ANK2: variants seen among roughly 807,000 people sequenced by gnomAD.
ANK2 encodes the protein ankyrin 2.
In ANK2, 83 loss-of-function variants were observed where a neutral mutation model predicts 360.5. That is an observed-to-expected ratio of 0.23 (90% CI 0.19 to 0.28). ANK2 has a LOEUF of 0.28. Among genes scored for constraint, ANK2 ranks in the 10% least tolerant of loss-of-function variants. ANK2 has a pLI of 1.00. For synonymous variants in ANK2, 1,740 were observed against 1,759.5 expected, an observed-to-expected ratio of 0.99 and a Z score of 0.28; for missense variants, 4,201 against 4,795.7, an observed-to-expected ratio of 0.88 and a Z score of 3.66.
At chr4:113,004,473 T>C (rs1298826697) in intron 2 of ANK2, among the ~76,000 whole-genome samples, 2 of 152,154 alleles carry the variant, frequency 1.3e-5, no homozygotes. Context: ...CATAGCTGCC[T>C]TCCACCTCCA....
At chr4:112,969,555 AG>A (rs1472607427) in intron 2 of ANK2, among the ~76,000 whole-genome samples, 1 of 152,222 alleles carries the variant, frequency 6.6e-6, no homozygotes, top group Non-Finnish European at 1.5e-5. Flanking sequence ...AAGAGTGAAA[AG>A]GGGGAAGAGG....
At position 113,369,862 on chromosome 4, in the gene ANK2, G is replaced by A. The variant is rs2096665973; in HGVS notation, c.11610+57G>A. ...CTGTAACAAAGCTACAAATCTTCCA[G>A]TTTCCATTTCTATGATGGTTTATTT... On this transcript the variant is annotated intron_variant, in intron 43 of 45. Coordinates refer to ENST00000357077, the MANE Select transcript of ANK2 (RefSeq NM_001148.6). 3 of 1,609,636 alleles carry A rather than the reference G, an allele frequency of 1.9e-6. No individual in the cohort carries two copies. The Admixed American group carries it at 5.0e-5, about 27-fold the overall frequency.
At chr4:113,345,253 C>T (rs1295068467) in intron 34 of ANK2, among the ~76,000 whole-genome samples, 1 of 152,048 alleles carries the variant, frequency 6.6e-6, no homozygotes, top group Admixed American at 6.6e-5. Context: ...CGTATAGAGA[C>T]AGAAAGTAGA....
intron 5 of ANK2, 37 bp from the exon 6 acceptor site, chr4:113,236,950 G>A (rs769287287): frequency 1.9e-6 from 3 of 1,599,336 alleles, no homozygotes; most frequent in South Asian, 1.1e-5. Context: ...AGCATCTGAA[G>A]ATGTTAACAG....
chr4:113,177,133 GC>G (rs2098241478), intron 2 of ANK2, among the ~76,000 whole-genome samples: 1 of 152,158 alleles, frequency 6.6e-6, no homozygotes, highest in Admixed American at 6.5e-5. Flanking sequence ...AGGCTGGAGT[GC>G]GGTGGCGTGA....
At chr4:113,211,567 C>T (rs971219891) in intron 4 of ANK2, among the ~76,000 whole-genome samples, 12 of 152,136 alleles carry the variant, frequency 7.9e-5, no homozygotes, top group East Asian at 1.9e-4. Context: ...ACAACTTTTC[C>T]GTAAACAAAT....
intron 1 of ANK2, among the ~76,000 whole-genome samples, chr4:113,117,985 A>T (rs1011161218): frequency 6.6e-6 from 1 of 152,196 alleles, no homozygotes; most frequent in African/African-American, 2.4e-5. Flanking sequence ...CTGCATTTTT[A>T]AAATTTTAAT....
chr4:113,156,713 G>C (rs979192846), intron 1 of ANK2, among the ~76,000 whole-genome samples: 1 of 151,706 alleles, frequency 6.6e-6, no homozygotes. Context: ...GCAGTGTTAA[G>C]TTTGACTAAT....
At chr4:113,186,218 C>A (rs1465745566) in intron 2 of ANK2, among the ~76,000 whole-genome samples, 4 of 152,222 alleles carry the variant, frequency 2.6e-5, no homozygotes, top group Admixed American at 2.6e-4. Flanking sequence ...AGGCAGGAAT[C>A]TTTGCTGTTC....
chr4:112,848,039 T>C (rs1167746281), intron 1 of ANK2, among the ~76,000 whole-genome samples: 1 of 152,210 alleles, frequency 6.6e-6, no homozygotes, highest in East Asian at 1.9e-4. Flanking sequence ...TGAAAGAGCA[T>C]GCGATTTGGA....
At chr4:113,069,076 G>T (rs551715997) in intron 1 of ANK2, among the ~76,000 whole-genome samples, 1 of 150,766 alleles carries the variant, frequency 6.6e-6, no homozygotes, top group Non-Finnish European at 1.5e-5. Context: ...AAGAAAAGAA[G>T]AGAAAAGAAA....
intron 4 of ANK2, among the ~76,000 whole-genome samples, chr4:113,201,339 C>G (rs2098827571): frequency 6.6e-6 from 1 of 152,078 alleles, no homozygotes; most frequent in South Asian, 2.1e-4. Flanking sequence ...TGATTCAGTT[C>G]TGGAGTGGAG....
At chr4:113,285,785 A>G (rs949397463) in intron 18 of ANK2, among the ~76,000 whole-genome samples, 5 of 152,204 alleles carry the variant, frequency 3.3e-5, no homozygotes, top group Admixed American at 1.3e-4. Context: ...GGGAGGGAAG[A>G]TTAGAGCCTA....
intron 25 of ANK2, 98 bp downstream of exon 25, chr4:113,317,907 A>C (rs2083789229): frequency 2.1e-6 from 2 of 948,346 alleles, no homozygotes; most frequent in Non-Finnish European, 3.3e-6. Flanking sequence ...ATCCCCCCAA[A>C]ATCATTCCCA....
At chr4:113,317,404 G>C in intron 24 of ANK2, 1 of 409,280 alleles carries the variant, frequency 2.4e-6, no homozygotes, top group South Asian at 2.2e-5. Flanking sequence ...GGTACTGGCA[G>C]TAATAAACTA....
intron 1 of ANK2, among the ~76,000 whole-genome samples, chr4:113,167,515 T>A (rs2097788939): frequency 6.6e-6 from 1 of 151,982 alleles, no homozygotes; most frequent in Non-Finnish European, 1.5e-5. Context: ...GTCAGGCTGG[T>A]CTCAAACTCC....
chr4:112,733,650 CTTCAA>C, the ANK2 span, among the ~76,000 whole-genome samples: 32 of 152,252 alleles, frequency 2.1e-4, 1 homozygote, highest in Middle Eastern at 3.4e-3. Flanking sequence ...AGGAAATTTT[CTTCAA>C]TTCAATTCAA....
chr4:113,182,928 A>C (rs2098446122), intron 2 of ANK2, among the ~76,000 whole-genome samples: 1 of 152,198 alleles, frequency 6.6e-6, no homozygotes, highest in Admixed American at 6.5e-5. Context: ...TGTTGATGGA[A>C]AAATATCAAC....
chr4:112,848,418 T>A (rs1211679136), intron 1 of ANK2, among the ~76,000 whole-genome samples: 1 of 152,182 alleles, frequency 6.6e-6, no homozygotes, highest in Non-Finnish European at 1.5e-5. Context: ...TGCCTTGGCC[T>A]CCCAAAGTGC....
Sources: gnomAD v4.1 joint callset for allele counts (sites outside exome capture counted in the v4.1 genomes callset) on GRCh38, gnomAD v4.1.1 for gene constraint, MANE v1.5 for transcripts, NCBI Gene and HGNC (gene_info 2026-07-23, HGNC 2026-07-21) for gene names.